The following DAP variants were observed in gnomAD, a reference collection of about 807,000 sequenced individuals.
DAP encodes death associated protein, also known as death-associated protein 1.
Under a neutral mutation model 13.8 loss-of-function variants are expected in DAP, and 8 were observed. The observed-to-expected ratio is 0.58, with a 90% CI of 0.34 to 1.05. The LOEUF (loss-of-function observed/expected upper bound fraction) is 1.05, where lower values mean the gene tolerates loss of function less well. Ranked by LOEUF, DAP falls within the 50% of genes least tolerant of loss-of-function variation. DAP has a pLI of 0.03. For missense variants in DAP, 106 were observed against 133.2 expected, an observed-to-expected ratio of 0.80 and a Z score of 1.01; for synonymous variants, 47 against 47.5, an observed-to-expected ratio of 0.99 and a Z score of 0.04.
chr5:10,691,991 G>A (rs1738320828), intron 2 of DAP, among the ~76,000 whole-genome samples: 2 of 152,168 alleles, frequency 1.3e-5, no homozygotes, highest in Non-Finnish European at 2.9e-5. Context: ...TTGGCATTCT[G>A]TGGAAACTGC....
intron 2 of DAP, among the ~76,000 whole-genome samples, chr5:10,744,471 G>A (rs190668981): frequency 1.3e-5 from 2 of 152,292 alleles, no homozygotes; most frequent in African/African-American, 4.8e-5. Context: ...ACCTACTGAC[G>A]GTGAGGCTGC....
At chr5:10,711,437 A>G (rs1309191758) in intron 2 of DAP, among the ~76,000 whole-genome samples, 1 of 152,250 alleles carries the variant, frequency 6.6e-6, no homozygotes, top group African/African-American at 2.4e-5. Context: ...CCCTGGTTTG[A>G]GGAAGGAGCA....
intron 2 of DAP, among the ~76,000 whole-genome samples, chr5:10,725,370 G>A (rs1015450846): frequency 1.3e-5 from 2 of 152,146 alleles, no homozygotes; most frequent in African/African-American, 4.8e-5. Flanking sequence ...GCTCCTGCAC[G>A]CTGGGCCAGG....
intron 2 of DAP, among the ~76,000 whole-genome samples, chr5:10,722,573 C>CATACATACATATATATACATAT (rs1739176593): frequency 4.8e-5 from 7 of 146,056 alleles, no homozygotes; most frequent in African/African-American, 1.6e-4. Context: ...TATATACATA[C>CATACATACATATATATACATAT]ATACATATAT....
rs377173607 is a variant in DAP at position 10,746,476 on chromosome 5, C to T, written c.152+1699G>A. 3.3e-5 allele frequency among the ~76,000 whole-genome samples: 5 copies of T among 152,134 alleles called. No individual in the cohort carries two copies. The East Asian group carries it at 5.8e-4, about 18-fold the overall frequency. ...TCCTGAGTAGCTGGGATTACAGGCA[C>T]ATGCCACCACACCTGACTGATTTTT... is the stretch of plus-strand genomic sequence containing the variant. On this transcript the variant is annotated intron_variant, in intron 2 of 3. Transcript: ENST00000230895.
chr5:10,758,614 G>A (rs565516191), intron 1 of DAP, among the ~76,000 whole-genome samples: 11 of 152,272 alleles, frequency 7.2e-5, no homozygotes, highest in South Asian at 2.1e-4. Context: ...ATGCTGAAGC[G>A]GGACGTGAGA....
At chr5:10,740,120 A>G (rs148447079) in intron 2 of DAP, among the ~76,000 whole-genome samples, 1 of 152,328 alleles carries the variant, frequency 6.6e-6, no homozygotes, top group East Asian at 1.9e-4. Flanking sequence ...ACATTTTTAA[A>G]AGCCAAATGG....
intron 1 of DAP, among the ~76,000 whole-genome samples, chr5:10,758,439 G>A (rs1466547736): frequency 1.0e-5 from 1 of 97,572 alleles, no homozygotes; most frequent in Non-Finnish European, 2.3e-5. Flanking sequence ...GGATGCTGCT[G>A]GCATTTGAGG....
rs1016058424 is a variant in DAP, at chr5:10,702,871, G to A, written c.153-19300C>T. Among the ~76,000 whole-genome samples the A allele has an allele frequency of 3.3e-5, 5 of 152,118 alleles. No homozygotes were observed. The South Asian group carries it at 8.3e-4, about 25-fold the overall frequency. ...AAAGCATGTCTTTTTAATAAAGTGC[G>A]ATGTCACTCATGACCAAAAAAACCC... is the stretch of plus-strand genomic sequence containing the variant. On this transcript the variant is annotated intron_variant, in intron 2 of 3. Coordinates refer to ENST00000230895, the MANE Select transcript of DAP (RefSeq NM_004394.3).
intron 2 of DAP, among the ~76,000 whole-genome samples, chr5:10,695,101 G>A (rs1361372431): frequency 2.0e-5 from 3 of 152,326 alleles, no homozygotes; most frequent in East Asian, 1.9e-4. Context: ...AATTAGCATG[G>A]CTGGTGAGCA....
At chr5:10,728,582 A>G (rs1344367641) in intron 2 of DAP, among the ~76,000 whole-genome samples, 1 of 152,254 alleles carries the variant, frequency 6.6e-6, no homozygotes, top group Admixed American at 6.5e-5. Context: ...AATTTTACTG[A>G]TTTGTTAATG....
At chr5:10,717,643 T>A (rs1278547960) in intron 2 of DAP, among the ~76,000 whole-genome samples, 4 of 152,184 alleles carry the variant, frequency 2.6e-5, no homozygotes, top group Non-Finnish European at 5.9e-5. Context: ...AAGATAATGT[T>A]GATTCTCCTC....
intron 2 of DAP, among the ~76,000 whole-genome samples, chr5:10,717,353 C>T (rs544198085): frequency 1.3e-5 from 2 of 152,300 alleles, no homozygotes; most frequent in East Asian, 1.9e-4. Flanking sequence ...TGCACAGCCT[C>T]GCCAGGTGTC....
At chr5:10,741,556 T>G (rs71599546) in intron 2 of DAP, among the ~76,000 whole-genome samples, 5 of 152,174 alleles carry the variant, frequency 3.3e-5, no homozygotes, top group Non-Finnish European at 5.9e-5. Flanking sequence ...AAGTATACTG[T>G]TGTAAGTTTC....
At chr5:10,683,647 T>G in intron 2 of DAP, 76 bp from the exon 3 acceptor site, 1 of 1,421,074 alleles carries the variant, frequency 7.0e-7, no homozygotes, top group Non-Finnish European at 9.9e-7. Flanking sequence ...ACGATGTGTA[T>G]GTGGATGAGC....
intron 2 of DAP, among the ~76,000 whole-genome samples, chr5:10,740,144 A>G (rs535006774): frequency 6.6e-6 from 1 of 152,340 alleles, no homozygotes; most frequent in East Asian, 1.9e-4. Context: ...TGGAAATGAA[A>G]AACAGGATAT....
At chr5:10,756,002 G>A (rs1373225404) in intron 1 of DAP, among the ~76,000 whole-genome samples, 3 of 152,202 alleles carry the variant, frequency 2.0e-5, no homozygotes, top group African/African-American at 7.2e-5. Flanking sequence ...ACACAAATTA[G>A]CTGGTTGTGG....
At chr5:10,698,544 C>G (rs1015171720) in intron 2 of DAP, among the ~76,000 whole-genome samples, 11 of 152,140 alleles carry the variant, frequency 7.2e-5, no homozygotes, top group African/African-American at 2.4e-4. Context: ...CTGTGAGCCA[C>G]TAATTAAAGT....
intron 2 of DAP, among the ~76,000 whole-genome samples, chr5:10,746,259 C>A (rs879849697): frequency 6.6e-6 from 1 of 151,882 alleles, no homozygotes; most frequent in Non-Finnish European, 1.5e-5. Context: ...AGGAGAGTTG[C>A]TGATGCTGTT....
Sources: allele counts gnomAD v4.1 joint callset (sites outside exome capture counted in the v4.1 genomes callset), GRCh38; gene constraint gnomAD v4.1.1; transcripts MANE v1.5; gene names NCBI Gene and HGNC (gene_info 2026-07-23, HGNC 2026-07-21).